Variants in SLC38A9 observed in about 807,000 individuals in gnomAD.
SLC38A9 encodes neutral amino acid transporter 9.
In SLC38A9, 48 loss-of-function variants were observed where a neutral mutation model predicts 62.3. The observed-to-expected ratio is 0.77, with a 90% confidence interval of 0.61 to 0.98. SLC38A9 has a LOEUF of 0.98. Among genes scored for constraint, SLC38A9 ranks in the 50% least tolerant of loss-of-function variants. SLC38A9 has a pLI of 0.00. For synonymous variants in SLC38A9, 204 were observed against 227.7 expected, an observed-to-expected ratio of 0.90 and a Z score of 0.94; for missense variants, 541 against 679.8, an observed-to-expected ratio of 0.80 and a Z score of 2.27.
In SLC38A9 at chr5:55,695,446, G is replaced by A. The variant is rs189433453; in HGVS notation, c.113+2400C>T. Reference sequence around the variant, plus strand: ...GCAGCGGTTGTGTCCCTGGGTACTTGAGATTAGGGAGTGGTGATGGCTCTT... The same window carrying A: ...GCAGCGGTTGTGTCCCTGGGTACTTAAGATTAGGGAGTGGTGATGGCTCTT... On this transcript the variant is annotated intron_variant, in intron 3 of 15. Transcript: ENST00000396865. Among the ~76,000 whole-genome samples, 2 of 88,736 alleles carry A rather than the reference G, an allele frequency of 2.3e-5. 1 individual carries two copies. Among genetic ancestry groups the A allele is most frequent in the Non-Finnish European group, 5.5e-5 (2 of 36,354 alleles). 58.2% of individuals were successfully genotyped at this position (88,736 alleles called of 152,430 possible).
Position 55,702,397 on chromosome 5 carries a change from G to A in SLC38A9, c.-34-4405C>T, listed in dbSNP as rs574643152. ...CCACCTCAGCCTCCCAAGTAGCTAG[G>A]ACTACAAGTGTGCACCACCATGCCT... is the stretch of plus-strand genomic sequence containing the variant. On this transcript the variant is annotated intron_variant, in intron 2 of 15. Coordinates refer to ENST00000396865, the MANE Select transcript of SLC38A9 (RefSeq NM_173514.4). 5.2e-4 allele frequency among the ~76,000 whole-genome samples: 79 copies of A among 151,952 alleles called. No homozygotes were observed. The Middle Eastern group carries it at 0.01, about 20-fold the overall frequency.
chr5:55,632,744 TG>T (rs1743709828), intron 14 of SLC38A9, among the ~76,000 whole-genome samples: 1 of 152,166 alleles, frequency 6.6e-6, no homozygotes, highest in Admixed American at 6.5e-5. Context: ...TGACCTGTCT[TG>T]TTTGACTGCA....
Position 55,672,701 on chromosome 5 carries a change from A to T in SLC38A9, c.114-6T>A. On this transcript the variant is annotated splice_polypyrimidine_tract_variant and splice_region_variant and intron_variant, in intron 3 of 15. Coordinates refer to ENST00000396865, the MANE Select transcript of SLC38A9 (RefSeq NM_173514.4). ...TGGGCTCTATACAGAAAGGCCTACA[A>T]AGGGAATATACACTTGACAAAAAGT... 1 of 1,612,048 alleles carries T rather than the reference A, an allele frequency of 6.2e-7. No individual in the cohort carries two copies. The highest frequency in any genetic ancestry group is 2.2e-5 in the East Asian group (1 of 44,866).
Position 55,669,829 on chromosome 5 carries a change from A to T in SLC38A9, c.297T>A (p.Ser99Arg). The T allele has an allele frequency of 6.2e-7, 1 of 1,613,282 alleles. No individual in the cohort carries two copies. The highest frequency in any genetic ancestry group is 8.5e-7 in the Non-Finnish European group (1 of 1,179,404). The change falls in exon 5 of 16, where the codon AGT becomes AGA. Residue 99 changes from serine to arginine, a missense_variant. Coordinates refer to ENST00000396865, the MANE Select transcript of SLC38A9 (RefSeq NM_173514.4). ...VPAPEECYVY[S>R]PLGSAYKLQS... ...GAAGTTTATAAGCAGAGCCCAATGGACTATACACATAGCACTCTTCTGGAG... is the reference window on the plus strand; with the variant it reads ...GAAGTTTATAAGCAGAGCCCAATGGTCTATACACATAGCACTCTTCTGGAG...
At chr5:55,654,241 TTC>T (rs779396835) in intron 9 of SLC38A9, among the ~76,000 whole-genome samples, 8 of 152,236 alleles carry the variant, frequency 5.3e-5, no homozygotes, top group Non-Finnish European at 1.0e-4. Context: ...TTCTTTCTCC[TTC>T]TTAGTCAACA....
intron 3 of SLC38A9, among the ~76,000 whole-genome samples, chr5:55,695,164 TA>T (rs1480311552): frequency 3.9e-5 from 6 of 152,194 alleles, no homozygotes; most frequent in African/African-American, 1.2e-4. Flanking sequence ...ATATGCAATT[TA>T]TAATCAGTAG....
At chr5:55,688,448 C>A (rs563371317) in intron 3 of SLC38A9, among the ~76,000 whole-genome samples, 1 of 149,588 alleles carries the variant, frequency 6.7e-6, no homozygotes, top group Admixed American at 6.7e-5. Flanking sequence ...GGCCCGATCC[C>A]GGCTCACTGC....
chr5:55,639,272 T>TAAAAAAAAAAAAAAAAAAAA (rs753043231), intron 12 of SLC38A9, among the ~76,000 whole-genome samples: 1 of 54,650 alleles, frequency 1.8e-5, no homozygotes, highest in African/African-American at 6.9e-5. Flanking sequence ...AAACTCTGTC[T>TAAAAAAAAAAAAAAAAAAAA]AAAAAAAAAA....
intron 11 of SLC38A9, 26 bp downstream of exon 11, chr5:55,649,181 A>G (rs891344672): frequency 7.6e-7 from 1 of 1,309,882 alleles, no homozygotes; most frequent in Non-Finnish European, 1.1e-6. Flanking sequence ...CATTATTATA[A>G]TTTATTATTT....
Position 55,626,102 on chromosome 5 carries a change from G to A in SLC38A9, c.*392C>T, listed in dbSNP as rs1742381131. On this transcript the variant is annotated 3_prime_UTR_variant, in exon 16 of 16. Transcript: ENST00000396865. Reference sequence around the variant, plus strand: ...GTAAGAAAATGAAAGTGAATACACTGAAACATAAAACAGAAGCAGGATTTG... The same window carrying A: ...GTAAGAAAATGAAAGTGAATACACTAAAACATAAAACAGAAGCAGGATTTG... 6.3e-6 allele frequency: 1 copy of A among 160,000 alleles called. No individual in the cohort carries two copies. The highest frequency in any genetic ancestry group is 1.9e-4 in the South Asian group (1 of 5,360). 9.9% of individuals were successfully genotyped at this position (160,000 alleles called of 1,614,324 possible). A position where few individuals can be genotyped will look rare whatever the true frequency, so the allele number is the denominator to read the frequency against.
At chr5:55,636,177 GA>G (rs1744371828) in intron 12 of SLC38A9, among the ~76,000 whole-genome samples, 1 of 152,110 alleles carries the variant, frequency 6.6e-6, no homozygotes, top group South Asian at 2.1e-4. Flanking sequence ...TTAAAGAACA[GA>G]CAACAAGCAG....
At chr5:55,694,234 G>A (rs1755131718) in intron 3 of SLC38A9, 1 of 238,644 alleles carries the variant, frequency 4.2e-6, no homozygotes, top group Non-Finnish European at 8.6e-6. Context: ...ATCACTGTCA[G>A]CAAGTGACAA....
At chr5:55,637,804 A>G (rs1366601305) in intron 12 of SLC38A9, among the ~76,000 whole-genome samples, 1 of 151,810 alleles carries the variant, frequency 6.6e-6, no homozygotes, top group South Asian at 2.1e-4. Flanking sequence ...TTCATTTTAC[A>G]GATGTAAACT....
At chr5:55,628,054 C>A in intron 14 of SLC38A9, 74 bp from the exon 15 acceptor site, 2 of 873,750 alleles carry the variant, frequency 2.3e-6, no homozygotes, top group African/African-American at 1.7e-5. Context: ...TAATATGAGA[C>A]TACAGTTCAT....
intron 4 of SLC38A9, among the ~76,000 whole-genome samples, chr5:55,670,983 T>C (rs1751211070): frequency 6.6e-6 from 1 of 152,210 alleles, no homozygotes; most frequent in African/African-American, 2.4e-5. Flanking sequence ...CACATAGCTA[T>C]TGTTTAGGCT....
chr5:55,671,671 A>C (rs1012209603), intron 4 of SLC38A9, among the ~76,000 whole-genome samples: 3 of 152,112 alleles, frequency 2.0e-5, no homozygotes, highest in Non-Finnish European at 2.9e-5. Context: ...AACATGGTGA[A>C]ACCGTGTCTC....
At chr5:55,647,859 C>T (rs11744317) in intron 11 of SLC38A9, among the ~76,000 whole-genome samples, 90,498 of 152,086 alleles carry the variant, frequency 0.6, 27,600 homozygotes, top group South Asian at 0.7. Flanking sequence ...TAGTTTTTAA[C>T]TGAATAGCAT....
intron 3 of SLC38A9, among the ~76,000 whole-genome samples, chr5:55,687,423 T>C (rs1754060898): frequency 2.0e-5 from 1 of 51,228 alleles, no homozygotes; most frequent in Admixed American, 3.2e-4. Context: ...CGAGACTCCG[T>C]CTCAAAAAAA....
intron 14 of SLC38A9, among the ~76,000 whole-genome samples, chr5:55,633,117 C>T (rs1743795861): frequency 1.3e-5 from 2 of 152,074 alleles, no homozygotes; most frequent in Admixed American, 6.6e-5. Flanking sequence ...TCCTCCTCCT[C>T]CCACCTCAGC....
Sources: allele counts gnomAD v4.1 joint callset (sites outside exome capture counted in the v4.1 genomes callset), GRCh38; gene constraint gnomAD v4.1.1; transcripts MANE v1.5; gene names NCBI Gene and HGNC (gene_info 2026-07-23, HGNC 2026-07-21).